RIF1: variants seen among roughly 807,000 people sequenced by gnomAD.
RIF1 encodes replication timing regulatory factor 1, also known as telomere-associated protein RIF1.
In RIF1, 45 loss-of-function variants were observed where a neutral mutation model predicts 247.1. The observed-to-expected ratio is 0.18, with a 90% CI of 0.14 to 0.23. RIF1 has a LOEUF of 0.23. RIF1 is among the 10% of genes least tolerant of loss of function. RIF1 has a pLI of 1.00. For missense variants in RIF1, 2,967 were observed against 2,862.5 expected (o/e 1.04, Z -0.83); for synonymous variants, 1,087 against 978.8 (o/e 1.11, Z -2.06).
At chr2:151,442,667 C>T in intron 16 of RIF1, among the ~76,000 whole-genome samples, 1 of 151,716 alleles carries the variant, frequency 6.6e-6, no homozygotes. Context: ...ATTGGGATTC[C>T]AGTAAGTTTT....
At chr2:151,431,114 T>G (rs1690041027) in intron 9 of RIF1, among the ~76,000 whole-genome samples, 1 of 152,216 alleles carries the variant, frequency 6.6e-6, no homozygotes, top group African/African-American at 2.4e-5. Flanking sequence ...AGATAGTAAG[T>G]TAAAAATAAG....
intron 9 of RIF1, among the ~76,000 whole-genome samples, chr2:151,429,534 T>A (rs1689698575): frequency 6.6e-6 from 1 of 152,212 alleles, no homozygotes; most frequent in Non-Finnish European, 1.5e-5. Flanking sequence ...TTATGTATAT[T>A]TTATTTAATC....
the RIF1 span, chr2:151,513,653 C>T: frequency 6.2e-7 from 1 of 1,608,390 alleles, no homozygotes; most frequent in African/African-American, 1.3e-5. Context: ...ATTCAGGCCT[C>T]TTCCTTTGAC....
chr2:151,445,293 A>G (rs1231190096), intron 18 of RIF1, 45 bp from the exon 19 acceptor site: 1 of 1,075,360 alleles, frequency 9.3e-7, no homozygotes, highest in Admixed American at 1.7e-5. Flanking sequence ...TTAGGATTAG[A>G]ATAAGATGGT....
At chr2:151,456,289 T>C (rs1695188467) in intron 22 of RIF1, among the ~76,000 whole-genome samples, 1 of 152,172 alleles carries the variant, frequency 6.6e-6, no homozygotes, top group African/African-American at 2.4e-5. Flanking sequence ...AAGTCTATAT[T>C]TCATCAAAAG....
At chr2:151,497,663 A>AT in intron 10 of RIF1, 1 of 1,585,424 alleles carries the variant, frequency 6.3e-7, no homozygotes, top group Non-Finnish European at 8.6e-7. Context: ...GACTCTTTCC[A>AT]TCTCGGGAGT....
the RIF1 span, chr2:151,526,180 G>A: frequency 6.2e-7 from 1 of 1,613,910 alleles, no homozygotes; most frequent in African/African-American, 1.3e-5. Flanking sequence ...GTTGCTGACA[G>A]TCTTCGCCAG....
Position 151,438,715 on chromosome 2 carries a change from A to G in RIF1, c.1515A>G (p.Leu505=). The change falls in exon 14 of 36, where the codon CTA becomes CTG. Residue 505 remains leucine (L), a synonymous_variant. Coordinates refer to ENST00000444746, the MANE Select transcript of RIF1 (RefSeq NM_018151.5). ...TTGTCAGTGCTATCTGGAAGGAGCT[A>G]ATTAGCTTGGTGAAGTCAGTTACTG... is the stretch of plus-strand genomic sequence containing the variant. The part of the protein sequence containing the change: ...DVVVSAIWKE[L]ISLVKSVTES... 3 of 1,613,038 alleles carry G rather than the reference A, an allele frequency of 1.9e-6. No homozygotes were observed. The highest frequency in any genetic ancestry group is 2.5e-6 in the Non-Finnish European group (3 of 1,179,062).
intron 13 of RIF1, chr2:151,507,247 G>A (rs2069890139): frequency 9.4e-6 from 4 of 424,382 alleles, no homozygotes; most frequent in African/African-American, 2.1e-5. Context: ...CCCTTGCTTA[G>A]TAGATTTAAC....
In RIF1 at chr2:151,498,149, A is replaced by C. The variant is rs928688683; in HGVS notation, c.*514-1196A>C. On this transcript the variant is annotated intron_variant and NMD_transcript_variant, in intron 10 of 13. Transcript: ENST00000454583. Reference sequence around the variant, plus strand: ...AAAGTATATCCTTTTGTAATATAAGATGTATTAGAAGCAAAGAAGGGAAAT... The same window carrying C: ...AAAGTATATCCTTTTGTAATATAAGCTGTATTAGAAGCAAAGAAGGGAAAT... The C allele has an allele frequency of 2.6e-6, 4 of 1,531,476 alleles. No homozygotes were observed. The African/African-American group carries it at 4.1e-5, about 16-fold the overall frequency. The allele number at this position is 1,531,476 out of a possible 1,614,324, so 94.9% of individuals were successfully genotyped here.
intron 7 of RIF1, 36 bp downstream of exon 7, chr2:151,420,415 T>C (rs1017797815): frequency 1.9e-6 from 3 of 1,596,990 alleles, no homozygotes; most frequent in Non-Finnish European, 2.6e-6. Flanking sequence ...TTCTGGATAC[T>C]GCATCGGAAG....
At chr2:151,507,516 C>T (rs1418532143) in intron 13 of RIF1, among the ~76,000 whole-genome samples, 1 of 152,178 alleles carries the variant, frequency 6.6e-6, no homozygotes, top group African/African-American at 2.4e-5. Context: ...GGAAAGGAGC[C>T]AAAGACACAG....
At chr2:151,425,429 ACAT>A (rs1185092617) in intron 8 of RIF1, among the ~76,000 whole-genome samples, 2 of 151,996 alleles carry the variant, frequency 1.3e-5, no homozygotes, top group African/African-American at 2.4e-5. Flanking sequence ...CTAGTACTTG[ACAT>A]CATATTCATG....
the RIF1 span, chr2:151,527,395 A>G: frequency 9.1e-7 from 1 of 1,098,594 alleles, no homozygotes; most frequent in Non-Finnish European, 1.3e-6. Flanking sequence ...GTTAACACTC[A>G]TGATAGTGGT....
chr2:151,529,680 G>A, the RIF1 span, among the ~76,000 whole-genome samples: 7 of 152,110 alleles, frequency 4.6e-5, no homozygotes, highest in African/African-American at 7.2e-5. Flanking sequence ...ACAGGCATGC[G>A]CCACCTCACC....
At chr2:151,498,185 C>T (rs1349202436) in intron 10 of RIF1, 1 of 1,547,200 alleles carries the variant, frequency 6.5e-7, no homozygotes, top group Admixed American at 2.0e-5. Flanking sequence ...GGGCTTCAAA[C>T]AAAAATAAAT....
At chr2:151,437,076 G>A in intron 12 of RIF1, 73 bp downstream of exon 12, 1 of 1,371,494 alleles carries the variant, frequency 7.3e-7, no homozygotes, top group Non-Finnish European at 1.0e-6. Flanking sequence ...GTGAGGAGAG[G>A]TGTTATTTTG....
At chr2:151,533,477 A>G in the RIF1 span, 33,415 of 1,551,314 alleles carry the variant, frequency 0.022, 436 homozygotes, top group African/African-American at 0.044. Flanking sequence ...AGAGCAGTCA[A>G]CATATCTGGA....
In RIF1 at chr2:151,461,074, T is replaced by C. The variant is rs140546883; in HGVS notation, c.3076-64T>C. ...TGGTGTCATTATTAGAGGAGAGTGA[T>C]AGAAATATTGGAAAATAATTTGGAA... On this transcript the variant is annotated intron_variant, in intron 26 of 35. Transcript: ENST00000444746. 4.1e-5 allele frequency: 59 copies of C among 1,450,750 alleles called. No individual in the cohort carries two copies. The East Asian group carries it at 1.3e-3, about 33-fold the overall frequency. 89.9% of individuals were successfully genotyped at this position (1,450,750 alleles called of 1,614,324 possible).
Sources: allele counts gnomAD v4.1 joint callset (sites outside exome capture counted in the v4.1 genomes callset), GRCh38; gene constraint gnomAD v4.1.1; transcripts MANE v1.5; gene names NCBI Gene and HGNC (gene_info 2026-07-23, HGNC 2026-07-21).